Variants in CDC27 observed in about 807,000 individuals in gnomAD.
CDC27 encodes the protein cell division cycle protein 27 homolog.
Under a neutral mutation model 109.7 loss-of-function variants are expected in CDC27, and 27 were observed. The observed-to-expected ratio is 0.25, with a 90% CI of 0.18 to 0.34. The LOEUF is 0.34. Ranked by LOEUF, CDC27 falls within the 10% of genes least tolerant of loss-of-function variation. The probability of loss-of-function intolerance (pLI) is 1.00; values close to 1 mark genes in which losing one functional copy is unlikely to be tolerated. For synonymous variants in CDC27, 266 were observed against 333.9 expected (o/e 0.80, Z 2.22); for missense variants, 579 against 960.2 (o/e 0.60, Z 5.25).
chr17:47,173,717 C>A (rs1319715896), intron 2 of CDC27, among the ~76,000 whole-genome samples: 1 of 152,200 alleles, frequency 6.6e-6, no homozygotes, highest in Non-Finnish European at 1.5e-5. Flanking sequence ...TGTAATACTG[C>A]AATTAGCTTT....
In CDC27 at chr17:47,136,305, A is replaced by T. The variant is rs559021423; in HGVS notation, c.1913+847T>A. On this transcript the variant is annotated intron_variant, in intron 14 of 18. Coordinates refer to ENST00000066544, the MANE Select transcript of CDC27 (RefSeq NM_001256.6). ...TTTCAGGCAATGTAACTACTACTGC[A>T]AAATGAGACATAATCCATTAACAAC... is the stretch of plus-strand genomic sequence containing the variant. Among the ~76,000 whole-genome samples, 3 of 152,364 alleles carry T rather than the reference A, an allele frequency of 2.0e-5. No homozygotes were observed. The East Asian group carries it at 5.8e-4, about 29-fold the overall frequency.
intron 1 of CDC27, among the ~76,000 whole-genome samples, chr17:47,188,109 C>G (rs540754037): frequency 5.3e-5 from 8 of 152,000 alleles, no homozygotes; most frequent in African/African-American, 1.9e-4. Context: ...TGTTTGATAC[C>G]TCAAGCCTTT....
At chr17:47,145,692 A>C (rs1192391761) in intron 9 of CDC27, among the ~76,000 whole-genome samples, 1 of 152,102 alleles carries the variant, frequency 6.6e-6, no homozygotes, top group Non-Finnish European at 1.5e-5. Context: ...CACGAGGTCA[A>C]GAGATCGAGA....
chr17:47,149,949 C>T (rs1489720421), intron 9 of CDC27, among the ~76,000 whole-genome samples: 2 of 151,804 alleles, frequency 1.3e-5, no homozygotes, highest in Non-Finnish European at 2.9e-5. Context: ...AGCGAAACTC[C>T]GTCTAAAACA....
At chr17:47,152,004 T>C in intron 8 of CDC27, 86 bp from the exon 9 acceptor site, 1 of 1,248,108 alleles carries the variant, frequency 8.0e-7, no homozygotes, top group South Asian at 1.9e-5. Flanking sequence ...CATCTACATT[T>C]TCTCAATACA....
chr17:47,122,379 A>C, intron 18 of CDC27, 65 bp downstream of exon 18: 1 of 1,105,178 alleles, frequency 9.0e-7, no homozygotes, highest in South Asian at 2.0e-5. Flanking sequence ...ATAAAAGAGT[A>C]GCCTACAAAT....
chr17:47,150,281 G>A (rs1350518771), intron 9 of CDC27, among the ~76,000 whole-genome samples: 1 of 152,188 alleles, frequency 6.6e-6, no homozygotes, highest in Non-Finnish European at 1.5e-5. Flanking sequence ...CAAAAGATAT[G>A]TTGAAGCCCT....
intron 15 of CDC27, among the ~76,000 whole-genome samples, chr17:47,131,411 T>C (rs890519044): frequency 2.0e-5 from 3 of 152,012 alleles, no homozygotes; most frequent in Admixed American, 6.6e-5. Context: ...TTATAGTCAA[T>C]AGAGAATTAG....
chr17:47,185,458 C>T (rs1442529596), intron 1 of CDC27, among the ~76,000 whole-genome samples: 1 of 152,192 alleles, frequency 6.6e-6, no homozygotes, highest in African/African-American at 2.4e-5. Flanking sequence ...GCTGGGATTA[C>T]AGGCGTGAGG....
intron 15 of CDC27, 89 bp from the exon 16 acceptor site, chr17:47,129,610 A>G: frequency 1.2e-6 from 1 of 842,792 alleles, no homozygotes; most frequent in Non-Finnish European, 1.9e-6. Context: ...AACATAATCA[A>G]ATTATTAGAG....
intron 16 of CDC27, among the ~76,000 whole-genome samples, chr17:47,127,559 T>C (rs1303234762): frequency 1.3e-5 from 2 of 151,850 alleles, no homozygotes; most frequent in Admixed American, 6.6e-5. Flanking sequence ...CCCACCACCA[T>C]GCCCGGCTAA....
At chr17:47,131,757 C>T (rs1051916727) in intron 15 of CDC27, among the ~76,000 whole-genome samples, 1 of 145,988 alleles carries the variant, frequency 6.8e-6, no homozygotes, top group Non-Finnish European at 1.5e-5. Flanking sequence ...CAGCCTTGCA[C>T]TCCTGGGCTC....
At position 47,138,759 on chromosome 17, in the gene CDC27, T is replaced by C. The variant is rs1452297447; in HGVS notation, c.1684A>G (p.Met562Val). The C allele has an allele frequency of 1.2e-6, 2 of 1,610,790 alleles. No individual in the cohort carries two copies. Among genetic ancestry groups the C allele is most frequent in the African/African-American group, 1.3e-5 (1 of 74,938 alleles). The stretch of plus-strand genomic sequence containing the variant: ...CATACCTCTGGCGAATTTTTATCCA[T>C]GTCTGTTAAGTCTTTTGACAGAACT... ...LSVLSKDLTD[M>V]DKNSPEAWCA... Residue 562 changes from methionine (M) to valine (V), a missense_variant, in exon 13 of 19, where the codon ATG becomes GTG. Met to Val is a conservative substitution (Grantham distance 21). This residue lies in a region of CDC27 where 227 missense variants were observed against 363.6 expected (regional missense o/e 0.62). Coordinates refer to ENST00000066544, the MANE Select transcript of CDC27 (RefSeq NM_001256.6).
At chr17:47,123,779 G>T (rs746939142) in intron 17 of CDC27, 107 bp downstream of exon 17, 15 of 703,648 alleles carry the variant, frequency 2.1e-5, no homozygotes, top group Non-Finnish European at 2.6e-5. Context: ...CGGAGCTTTA[G>T]TTTAATTTGC....
intron 2 of CDC27, among the ~76,000 whole-genome samples, chr17:47,174,881 G>C (rs920844610): frequency 6.6e-6 from 1 of 151,988 alleles, no homozygotes; most frequent in Admixed American, 6.6e-5. Context: ...ACTTAAACCC[G>C]GGAGGCAGTG....
intron 12 of CDC27, among the ~76,000 whole-genome samples, chr17:47,141,345 T>G (rs2148863696): frequency 6.6e-6 from 1 of 152,286 alleles, no homozygotes; most frequent in East Asian, 1.9e-4. Flanking sequence ...AGGTTAATCA[T>G]TCTCTCCTTT....
At position 47,121,004 on chromosome 17, in the gene CDC27, T is replaced by C; in HGVS notation, c.2406A>G (p.Glu802=). 1.2e-6 allele frequency: 2 copies of C among 1,610,260 alleles called. No homozygotes were observed. The highest frequency in any genetic ancestry group is 1.7e-6 in the Non-Finnish European group (2 of 1,177,206). Residue 802 remains glutamate (E), a synonymous_variant, in exon 19 of 19, where the codon GAA becomes GAG. Coordinates refer to ENST00000066544, the MANE Select transcript of CDC27 (RefSeq NM_001256.6). ...TQEEQIMGTD[E]SQESSMTDAD... is the part of the protein sequence containing the mutation. The stretch of plus-strand genomic sequence containing the variant: ...CATCTGTCATGCTGCTCTCCTGGGA[T>C]TCATCTGTTCCCACTTTAAAAATAA...
intron 8 of CDC27, among the ~76,000 whole-genome samples, chr17:47,152,434 G>T (rs11570502): frequency 1.5e-3 from 226 of 152,012 alleles, no homozygotes; most frequent in African/African-American, 5.1e-3. Flanking sequence ...AAAACCTAAG[G>T]ATATTGTTCT....
At chr17:47,168,995 C>CTT (rs1160478815) in intron 4 of CDC27, among the ~76,000 whole-genome samples, 1 of 121,572 alleles carries the variant, frequency 8.2e-6, no homozygotes, top group African/African-American at 3.0e-5. Context: ...TTTTTTTTTT[C>CTT]TTTTTTTTTT....
Sources: gnomAD v4.1 joint callset for allele counts (sites outside exome capture counted in the v4.1 genomes callset) on GRCh38, gnomAD v4.1.1 for gene constraint, gnomAD v4.1.1 regional missense constraint, MANE v1.5 for transcripts, NCBI Gene and HGNC (gene_info 2026-07-23, HGNC 2026-07-21) for gene names.